MYO7A: variants seen among roughly 807,000 people sequenced by gnomAD.
MYO7A encodes the protein unconventional myosin-VIIa.
A neutral mutation model predicts 263.8 loss-of-function variants in MYO7A; 210 were observed. That is an observed-to-expected ratio of 0.80 (90% CI 0.71 to 0.89). The LOEUF is 0.89. Among genes scored for constraint, MYO7A ranks in the 40% least tolerant of loss-of-function variants. The pLI is 0.00. For synonymous variants in MYO7A, 1,239 were observed against 1,197.3 expected (o/e 1.03, Z -0.72); for missense variants, 2,820 against 2,968.3 (o/e 0.95, Z 1.16).
chr11:77,210,269 G>T lies in MYO7A; in HGVS notation c.6052-883G>T, dbSNP rs547415656. Among the ~76,000 whole-genome samples the T allele has an allele frequency of 2.0e-5, 3 of 152,348 alleles. No homozygotes were observed. The South Asian group carries it at 6.2e-4, about 32-fold the overall frequency. ...AGGGCCTGGCTCATAGATGTTCAATGCATGCTTGTTGGATTGACAGATGGG... is the reference window on the plus strand; with the variant it reads ...AGGGCCTGGCTCATAGATGTTCAATTCATGCTTGTTGGATTGACAGATGGG... On this transcript the variant is annotated intron_variant, in intron 44 of 48. Transcript: ENST00000409709.
chr11:77,169,108 A>T (rs1555074399), intron 15 of MYO7A, among the ~76,000 whole-genome samples: 2 of 152,244 alleles, frequency 1.3e-5, no homozygotes, highest in African/African-American at 4.8e-5. Context: ...TAATTGTGAG[A>T]CATTAAGTCA....
intron 26 of MYO7A, among the ~76,000 whole-genome samples, chr11:77,183,546 A>T (rs1052640668): frequency 1.4e-4 from 21 of 152,284 alleles, no homozygotes; most frequent in African/African-American, 5.1e-4. Flanking sequence ...GAACAGGATT[A>T]ATTTATTTGA....
In MYO7A at chr11:77,168,460, C is replaced by T. The variant is rs1953767539; in HGVS notation, c.1797+2298C>T. 2.0e-5 allele frequency among the ~76,000 whole-genome samples: 3 copies of T among 152,168 alleles called. No homozygotes were observed. The South Asian group carries it at 6.2e-4, about 32-fold the overall frequency. On this transcript the variant is annotated intron_variant, in intron 15 of 48. Transcript: ENST00000409709. ...TCACCTCATTCACTCCCCACTGCAA[C>T]CTGGCGAGTAATTACTATTACTCCC... is the stretch of plus-strand genomic sequence containing the variant.
At chr11:77,140,535 C>G (rs949291436) in intron 2 of MYO7A, among the ~76,000 whole-genome samples, 7 of 152,338 alleles carry the variant, frequency 4.6e-5, no homozygotes, top group Admixed American at 3.9e-4. Flanking sequence ...GCTCCCCACC[C>G]CTTCTCTCTC....
intron 41 of MYO7A, 196 bp from the exon 42 acceptor site, chr11:77,207,093 C>A (rs572633504): frequency 2.0e-6 from 1 of 504,230 alleles, no homozygotes. Flanking sequence ...CTTGGAGAGT[C>A]GGGAGGAGGA....
At chr11:77,149,663 T>G (rs984730398) in intron 4 of MYO7A, among the ~76,000 whole-genome samples, 1 of 152,106 alleles carries the variant, frequency 6.6e-6, no homozygotes, top group Non-Finnish European at 1.5e-5. Flanking sequence ...ACTGTCTGAC[T>G]CTAGGTCCCT....
intron 16 of MYO7A, 101 bp from the exon 17 acceptor site, chr11:77,174,655 C>T: frequency 3.1e-6 from 4 of 1,283,184 alleles, no homozygotes; most frequent in Non-Finnish European, 4.3e-6. Flanking sequence ...GCCGTGTGGA[C>T]TTGGCCTTTC....
Position 77,181,472 on chromosome 11 carries a change from G to T in MYO7A, c.2787G>T (p.Met929Ile), listed in dbSNP as rs536410625. Reference sequence around the variant, plus strand: ...GGAAGAAGGAGCTCCTGGAGCAGATGGAAAGGGCCCGCCATGAGCCTGTCA... The same window carrying T: ...GGAAGAAGGAGCTCCTGGAGCAGATTGAAAGGGCCCGCCATGAGCCTGTCA... ...ARRKKELLEQ[M>I]ERARHEPVNH... The change falls in exon 23 of 49, where the codon ATG (methionine) becomes ATT (isoleucine). Residue 929 changes from methionine to isoleucine, a missense_variant. By Grantham distance (10) the Met-to-Ile change is conservative. Transcript: ENST00000409709. 3.1e-6 allele frequency: 5 copies of T among 1,612,286 alleles called. No homozygotes were observed. Among genetic ancestry groups the T allele is most frequent in the Non-Finnish European group, 4.2e-6 (5 of 1,179,550 alleles).
chr11:77,180,347 T>C, intron 21 of MYO7A, 27 bp from the exon 22 acceptor site: 11 of 1,596,128 alleles, frequency 6.9e-6, no homozygotes, highest in South Asian at 3.4e-5. Flanking sequence ...CACATTTCCA[T>C]GCCCTCTGGA....
intron 16 of MYO7A, among the ~76,000 whole-genome samples, chr11:77,173,188 G>A (rs797044194): frequency 5.3e-5 from 8 of 152,316 alleles, no homozygotes; most frequent in African/African-American, 1.4e-4. Flanking sequence ...AGATGGAAAC[G>A]GGACTGACCG....
chr11:77,178,772 T>G (rs1286973932), intron 19 of MYO7A, among the ~76,000 whole-genome samples: 1 of 152,272 alleles, frequency 6.6e-6, no homozygotes, highest in Non-Finnish European at 1.5e-5. Flanking sequence ...TTTTAATTAC[T>G]TATTTTTTCA....
chr11:77,130,340 G>A (rs1950732788), intron 1 of MYO7A, among the ~76,000 whole-genome samples: 1 of 152,232 alleles, frequency 6.6e-6, no homozygotes, highest in Admixed American at 6.5e-5. Flanking sequence ...CTTTCTAGGA[G>A]CCCTTTGGGA....
At chr11:77,132,170 T>C (rs1457994632) in intron 2 of MYO7A, among the ~76,000 whole-genome samples, 4 of 151,994 alleles carry the variant, frequency 2.6e-5, no homozygotes, top group African/African-American at 9.7e-5. Context: ...CTGGCTGACT[T>C]CTGCTCAGGC....
intron 29 of MYO7A, among the ~76,000 whole-genome samples, chr11:77,190,361 C>G (rs993166496): frequency 6.6e-6 from 1 of 152,226 alleles, no homozygotes; most frequent in Non-Finnish European, 1.5e-5. Context: ...ACGGTCAAGA[C>G]GACTTGGGCA....
chr11:77,134,060 G>T (rs1180542480), intron 2 of MYO7A, among the ~76,000 whole-genome samples: 3 of 152,064 alleles, frequency 2.0e-5, no homozygotes, highest in African/African-American at 7.2e-5. Flanking sequence ...CTCCCAAGTA[G>T]CTGGGATTAC....
intron 32 of MYO7A, 91 bp from the exon 33 acceptor site, chr11:77,197,390 C>A (rs1435237102): frequency 4.2e-6 from 4 of 957,598 alleles, no homozygotes; most frequent in Non-Finnish European, 4.7e-6. Flanking sequence ...GAGCCCCAGG[C>A]TGCTCCTGGC....
chr11:77,179,282 C>A (rs561335676), intron 20 of MYO7A, among the ~76,000 whole-genome samples, 153 bp downstream of exon 20: 1 of 152,270 alleles, frequency 6.6e-6, no homozygotes, highest in East Asian at 1.9e-4. Flanking sequence ...TCCTCCAGAC[C>A]GAAGTCTGGA....
chr11:77,163,507 T>C (rs1187150273), intron 14 of MYO7A, among the ~76,000 whole-genome samples: 1 of 152,212 alleles, frequency 6.6e-6, no homozygotes, highest in African/African-American at 2.4e-5. Flanking sequence ...GCTACAGACC[T>C]GTACAGCATG....
intron 15 of MYO7A, among the ~76,000 whole-genome samples, chr11:77,167,281 G>C (rs1482615629): frequency 6.6e-6 from 1 of 152,104 alleles, no homozygotes; most frequent in Non-Finnish European, 1.5e-5. Flanking sequence ...GTGGGGACTC[G>C]AACGCAGGTC....
Sources: gnomAD v4.1 joint callset for allele counts (sites outside exome capture counted in the v4.1 genomes callset) on GRCh38, gnomAD v4.1.1 for gene constraint, MANE v1.5 for transcripts, NCBI Gene and HGNC (gene_info 2026-07-23, HGNC 2026-07-21) for gene names.